Variants in GBP3 observed in about 807,000 individuals in gnomAD.
GBP3 encodes the protein guanylate binding protein 3, also known as guanylate-binding protein 3.
A neutral mutation model predicts 62.4 loss-of-function variants in GBP3; 55 were observed. That is an observed-to-expected ratio of 0.88 (90% confidence interval 0.71 to 1.10). GBP3 has a LOEUF of 1.10. Among genes scored for constraint, GBP3 ranks in the 50% least tolerant of loss-of-function variants. The pLI is 0.00. For missense variants in GBP3, 605 were observed against 690.6 expected, an observed-to-expected ratio of 0.88 and a Z score of 1.39; for synonymous variants, 208 against 259.2, an observed-to-expected ratio of 0.80 and a Z score of 1.90.
Position 89,010,998 on chromosome 1 carries a change from C to A in GBP3, c.1268G>T (p.Gly423Val), listed in dbSNP as rs777766434. The A allele has an allele frequency of 1.4e-6, 2 of 1,461,682 alleles. No individual in the cohort carries two copies. Among genetic ancestry groups the A allele is most frequent in the Non-Finnish European group, 1.9e-6 (2 of 1,055,136 alleles). 90.5% of individuals were successfully genotyped at this position (1,461,682 alleles called of 1,614,324 possible). A position where few individuals can be genotyped will look rare whatever the true frequency, so the allele number is the denominator to read the frequency against. ...ATAGCCCCCTGGTTTCGAATAAATT[C>A]CCGCCTTCACTTCTTCTTCTAGAGG... ...FSPLEEEVKA[G>V]IYSKPGGYCL... is the part of the protein sequence containing the mutation. The change falls in exon 8 of 11, where the codon GGA (glycine) becomes GTA (valine). Residue 423 changes from glycine (G) to valine (V), a missense_variant. Gly to Val is a moderately radical substitution (Grantham distance 109, BLOSUM62 -3). Coordinates refer to ENST00000370481, the MANE Select transcript of GBP3 (RefSeq NM_018284.3).
rs1414227988 is a variant in GBP3, at chr1:89,021,825, G to GCA, written c.-23+858_-23+859insTG. On this transcript the variant is annotated intron_variant, in intron 1 of 10. Coordinates refer to ENST00000370481, the MANE Select transcript of GBP3 (RefSeq NM_018284.3). The stretch of plus-strand genomic sequence containing the variant: ...AGAGAGAGAGAGAGAGAGAGAGAGA[G>GCA]AGAGAGAAAGTGCCAGCAAGGGAGA... Among the ~76,000 whole-genome samples, 103 of 147,512 alleles carry GCA rather than the reference G, an allele frequency of 7.0e-4. 1 individual carries two copies. The highest frequency in any genetic ancestry group is 1.1e-3 in the South Asian group (5 of 4,730).
At chr1:89,020,421 G>A (rs1291070690) in intron 2 of GBP3, 111 bp downstream of exon 2, 1 of 1,284,744 alleles carries the variant, frequency 7.8e-7, no homozygotes, top group Non-Finnish European at 1.1e-6. Flanking sequence ...ACTGTGAATG[G>A]AAAGTTAGCT....
At chr1:89,009,799 G>A (rs940007681) in intron 8 of GBP3, among the ~76,000 whole-genome samples, 2 of 152,170 alleles carry the variant, frequency 1.3e-5, no homozygotes, top group African/African-American at 4.8e-5. Context: ...ACTGGAGAAT[G>A]AAGCCCTCCT....
At chr1:89,013,047 A>T in intron 6 of GBP3, 138 bp downstream of exon 6, 1 of 854,696 alleles carries the variant, frequency 1.2e-6, no homozygotes, top group Non-Finnish European at 1.8e-6. Flanking sequence ...CATGTGGGCT[A>T]GGTTGGTCTC....
chr1:89,013,211 G>T lies in GBP3; in HGVS notation c.842C>A (p.Ser281Ter). ...IFSNSKTKTL[S>*]GGIKVNGPRL... ...AGGCCCATTGACCTTGATGCCTCCT[G>T]AAAGAGTTTTAGTTTTGGAATTGCT... Residue 281 changes from serine (S) to a stop codon, truncating the protein, a stop_gained, in exon 6 of 11, where the codon TCA becomes TAA. Transcript: ENST00000370481. LOFTEE classifies it high-confidence loss of function. 1 of 1,614,116 alleles carries T rather than the reference G, an allele frequency of 6.2e-7. No homozygotes were observed.
intron 2 of GBP3, among the ~76,000 whole-genome samples, chr1:89,016,587 A>T (rs993163078): frequency 1.6e-3 from 243 of 148,312 alleles, no homozygotes; most frequent in African/African-American, 5.3e-3. Flanking sequence ...AAATTACAAA[A>T]TTTTTTTTTT....
intron 1 of GBP3, among the ~76,000 whole-genome samples, chr1:89,022,477 T>TA (rs1278822159): frequency 1.3e-5 from 2 of 152,224 alleles, no homozygotes; most frequent in Non-Finnish European, 2.9e-5. Flanking sequence ...TAGTGGCACT[T>TA]AGAGCCATGG....
At chr1:89,008,779 A>G (rs1678380864) in intron 10 of GBP3, 168 bp downstream of exon 10, 1 of 1,306,864 alleles carries the variant, frequency 7.7e-7, no homozygotes, top group African/African-American at 1.5e-5. Flanking sequence ...TAGTGACCAC[A>G]TGTAGGCAGT....
rs769346921 is a variant in GBP3 at position 89,013,273 on chromosome 1, A to G, written c.780T>C (p.Phe260=). 5 of 1,614,182 alleles carry G rather than the reference A, an allele frequency of 3.1e-6. No individual in the cohort carries two copies. The highest frequency in any genetic ancestry group is 4.2e-6 in the Non-Finnish European group (5 of 1,180,022). Residue 260 remains phenylalanine (F), a synonymous_variant, in exon 6 of 11, where the codon TTT becomes TTC. Transcript: ENST00000370481. ...KLQDEELDPE[F]VQQVADFCSY... is the part of the protein sequence containing the mutation. ...AACAGAAGTCTGCTACTTGTTGCAC[A>G]AATTCAGGGTCCAGCTCTTCATCTT...
chr1:89,020,311 A>C (rs1350427836), intron 2 of GBP3: 25 of 606,646 alleles, frequency 4.1e-5, no homozygotes, highest in Non-Finnish European at 7.4e-5. Flanking sequence ...AAGGAGTTCA[A>C]CTGTAACTCA....
At chr1:89,014,976 T>C (rs1678806147) in intron 3 of GBP3, among the ~76,000 whole-genome samples, 2 of 152,210 alleles carry the variant, frequency 1.3e-5, no homozygotes, top group African/African-American at 4.8e-5. Context: ...TACTGAATTA[T>C]AAGTTCTTTG....
intron 2 of GBP3, among the ~76,000 whole-genome samples, chr1:89,016,301 T>C (rs1678884321): frequency 6.6e-6 from 1 of 152,102 alleles, no homozygotes; most frequent in Non-Finnish European, 1.5e-5. Context: ...GGTCAGCAGA[T>C]CGAGACCATC....
intron 1 of GBP3, among the ~76,000 whole-genome samples, chr1:89,021,201 G>T (rs1679170735): frequency 6.6e-6 from 1 of 152,090 alleles, no homozygotes; most frequent in Non-Finnish European, 1.5e-5. Context: ...ATTTATAAAT[G>T]TGTTCCTTCC....
intron 10 of GBP3, among the ~76,000 whole-genome samples, chr1:89,008,082 G>A (rs1390498398): frequency 1.3e-5 from 2 of 151,868 alleles, no homozygotes; most frequent in African/African-American, 2.4e-5. Flanking sequence ...TATTGATGAA[G>A]GTCTTGCTTT....
Position 89,021,170 on chromosome 1 carries a change from C to G in GBP3, c.-22-427G>C, listed in dbSNP as rs146996907. ...TAAATGTTTCATTGTTTGACATATG[C>G]CCTTAGGACAATTTCCAGAGATTTA... On this transcript the variant is annotated intron_variant, in intron 1 of 10. Coordinates refer to ENST00000370481, the MANE Select transcript of GBP3 (RefSeq NM_018284.3). Among the ~76,000 whole-genome samples the G allele has an allele frequency of 3.8e-3, 583 of 152,202 alleles. 2 individuals are homozygous for G. Among genetic ancestry groups the G allele is most frequent in the African/African-American group, 0.013 (534 of 41,526 alleles).
intron 2 of GBP3, among the ~76,000 whole-genome samples, chr1:89,016,367 A>C (rs537539741): frequency 2.0e-5 from 3 of 151,772 alleles, no homozygotes; most frequent in Non-Finnish European, 2.9e-5. Flanking sequence ...CACACACACA[A>C]AATTAGCTGG....
chr1:89,013,555 G>A, intron 5 of GBP3, 128 bp from the exon 6 acceptor site: 1 of 948,622 alleles, frequency 1.1e-6, no homozygotes, highest in Non-Finnish European at 1.6e-6. Flanking sequence ...ATTGGAGCAT[G>A]ACAACAGCTT....
intron 9 of GBP3, 71 bp from the exon 10 acceptor site, chr1:89,009,211 C>A: frequency 6.7e-7 from 1 of 1,496,234 alleles, no homozygotes; most frequent in Non-Finnish European, 9.2e-7. Context: ...ACTTACCCTC[C>A]ATTGTTGCTG....
rs1679009367 is a variant in GBP3 at position 89,018,567 on chromosome 1, T to A, written c.190+1965A>T. On this transcript the variant is annotated intron_variant, in intron 2 of 10. Coordinates refer to ENST00000370481, the MANE Select transcript of GBP3 (RefSeq NM_018284.3). ...CTGTTACTGCTGATTAATATCTTGC[T>A]AATCATAGGTTATGAAAGACTGCAT... Among the ~76,000 whole-genome samples the A allele has an allele frequency of 2.0e-5, 3 of 152,250 alleles. No homozygotes were observed. The South Asian group carries it at 6.2e-4, about 31-fold the overall frequency.
Sources: gnomAD v4.1 joint callset for allele counts (sites outside exome capture counted in the v4.1 genomes callset) on GRCh38, gnomAD v4.1.1 for gene constraint, MANE v1.5 for transcripts, NCBI Gene and HGNC (gene_info 2026-07-23, HGNC 2026-07-21) for gene names.